The following RBFOX1 variants were observed in gnomAD, a reference collection of about 807,000 sequenced individuals.
The protein encoded by RBFOX1 is RNA binding fox-1 homolog 1.
In RBFOX1, 8 loss-of-function variants were observed where a neutral mutation model predicts 57.7. The ratio of observed to expected loss-of-function variants is 0.14; its 90% CI spans 0.08 to 0.25. RBFOX1 has a LOEUF of 0.25. RBFOX1 is among the 10% of genes least tolerant of loss of function. The pLI is 1.00. For synonymous variants in RBFOX1, 326 were observed against 222.4 expected (o/e 1.47, Z -4.15); for missense variants, 611 against 548.5 (o/e 1.11, Z -1.14).
At chr16:5,421,522 G>A (rs2067326194) in intron 1 of RBFOX1, among the ~76,000 whole-genome samples, 1 of 152,118 alleles carries the variant, frequency 6.6e-6, no homozygotes, top group East Asian at 1.9e-4. Context: ...AGTCTCAGGA[G>A]GATCTTGGCC....
chr16:7,515,260 GTTT>G (rs34629697), intron 4 of RBFOX1, among the ~76,000 whole-genome samples: 10 of 148,190 alleles, frequency 6.7e-5, no homozygotes, highest in Non-Finnish European at 1.0e-4. Context: ...AACAGCAGAA[GTTT>G]TTTTTTTTTT....
chr16:5,743,281 C>A (rs568941842), intron 3 of RBFOX1, among the ~76,000 whole-genome samples: 1 of 152,300 alleles, frequency 6.6e-6, no homozygotes, highest in Admixed American at 6.5e-5. Context: ...TGGGCACCTT[C>A]TGTTTTCTGA....
At position 7,712,037 on chromosome 16, in the gene RBFOX1, A is replaced by T. The variant is rs1478218253; in HGVS notation, c.*1292A>T. The T allele has an allele frequency of 6.9e-6, 1 of 145,906 alleles. No homozygotes were observed. Among genetic ancestry groups the T allele is most frequent in the African/African-American group, 2.8e-5 (1 of 35,184 alleles). 9.0% of individuals were successfully genotyped at this position (145,906 alleles called of 1,614,324 possible). Reference sequence around the variant, plus strand: ...TTGTCAGAAGGATGCAAAAAAAGAAAAAAGTACATCCACCCTCTTAATCCC... The same window carrying T: ...TTGTCAGAAGGATGCAAAAAAAGAATAAAGTACATCCACCCTCTTAATCCC... On this transcript the variant is annotated 3_prime_UTR_variant, in exon 16 of 16. Coordinates refer to ENST00000550418, the MANE Select transcript of RBFOX1 (RefSeq NM_018723.4).
chr16:7,257,893 T>G (rs959755216), intron 4 of RBFOX1, among the ~76,000 whole-genome samples: 11 of 152,134 alleles, frequency 7.2e-5, no homozygotes, highest in African/African-American at 2.7e-4. Context: ...AGGGAATGAT[T>G]TGGTTTCAAG....
At chr16:6,050,884 G>C (rs996622390) in intron 1 of RBFOX1, among the ~76,000 whole-genome samples, 2 of 151,370 alleles carry the variant, frequency 1.3e-5, no homozygotes, top group East Asian at 3.9e-4. Flanking sequence ...TATTATCTTT[G>C]TTGATGCTCA....
intron 3 of RBFOX1, among the ~76,000 whole-genome samples, chr16:5,789,619 A>C (rs1450700037): frequency 6.6e-6 from 1 of 152,198 alleles, no homozygotes; most frequent in East Asian, 1.9e-4. Flanking sequence ...TCTTTTGGTT[A>C]AGCTTTTTCC....
intron 4 of RBFOX1, among the ~76,000 whole-genome samples, chr16:7,166,525 C>A (rs985052420): frequency 6.6e-5 from 10 of 152,048 alleles, no homozygotes; most frequent in Admixed American, 2.6e-4. Flanking sequence ...ACAGGATGGC[C>A]TCAAAGAAGC....
chr16:7,662,999 A>G (rs1388822182), intron 12 of RBFOX1, among the ~76,000 whole-genome samples: 8 of 152,238 alleles, frequency 5.3e-5, no homozygotes, highest in African/African-American at 1.9e-4. Context: ...GGATGAGGAT[A>G]CTAGAATAAA....
At chr16:6,189,065 A>G (rs1156507229) in intron 1 of RBFOX1, among the ~76,000 whole-genome samples, 1 of 152,194 alleles carries the variant, frequency 6.6e-6, no homozygotes, top group Non-Finnish European at 1.5e-5. Flanking sequence ...TCCATGTTTT[A>G]TGTGGTTTCA....
chr16:7,505,792 T>C (rs2073075966), intron 4 of RBFOX1, among the ~76,000 whole-genome samples: 1 of 152,208 alleles, frequency 6.6e-6, no homozygotes, highest in African/African-American at 2.4e-5. Context: ...ATGAGACAAG[T>C]AGCTTTGCTG....
At chr16:5,705,232 A>T (rs2051198659) in intron 3 of RBFOX1, among the ~76,000 whole-genome samples, 1 of 152,112 alleles carries the variant, frequency 6.6e-6, no homozygotes, top group African/African-American at 2.4e-5. Context: ...AACCAGCACC[A>T]TCCATGTGCT....
chr16:6,869,178 G>C (rs550232788), intron 3 of RBFOX1, among the ~76,000 whole-genome samples: 14 of 152,240 alleles, frequency 9.2e-5, no homozygotes, highest in Admixed American at 2.6e-4. Flanking sequence ...CTGCTGCTTT[G>C]CACGCTCATC....
chr16:7,230,234 A>T (rs1431455919), intron 4 of RBFOX1, among the ~76,000 whole-genome samples: 2 of 152,092 alleles, frequency 1.3e-5, no homozygotes, highest in Non-Finnish European at 2.9e-5. Context: ...CATTTGGGAA[A>T]TGATGACTAG....
At chr16:6,794,188 G>T (rs147448934) in intron 3 of RBFOX1, among the ~76,000 whole-genome samples, 2 of 151,996 alleles carry the variant, frequency 1.3e-5, no homozygotes, top group Non-Finnish European at 2.9e-5. Context: ...TGGAGAAGTT[G>T]ATGCGGGATT....
chr16:6,028,506 TG>T (rs1421678551), intron 1 of RBFOX1, among the ~76,000 whole-genome samples: 2 of 81,612 alleles, frequency 2.5e-5, no homozygotes, highest in East Asian at 5.8e-4. Flanking sequence ...ACCCTGTCTC[TG>T]TTAAAAAAAA....
chr16:7,220,751 A>G (rs952939788), intron 4 of RBFOX1, among the ~76,000 whole-genome samples: 1 of 150,920 alleles, frequency 6.6e-6, no homozygotes, highest in Admixed American at 6.6e-5. Flanking sequence ...TGGAATTTCC[A>G]GGCCCACATC....
chr16:7,550,702 C>T (rs2086107502), intron 5 of RBFOX1, among the ~76,000 whole-genome samples: 1 of 152,126 alleles, frequency 6.6e-6, no homozygotes, highest in Non-Finnish European at 1.5e-5. Context: ...TGTCTCTGGA[C>T]TCACTGGAGG....
chr16:6,834,878 G>C (rs112768286), intron 3 of RBFOX1, among the ~76,000 whole-genome samples: 10,079 of 147,282 alleles, frequency 0.068, 507 homozygotes, highest in Non-Finnish European at 0.11. Context: ...AACTTCAAAG[G>C]CCTGACTTCT....
intron 3 of RBFOX1, among the ~76,000 whole-genome samples, chr16:5,654,814 G>A (rs1233023857): frequency 6.7e-6 from 1 of 150,308 alleles, no homozygotes; most frequent in African/African-American, 2.5e-5. Context: ...TCTGTCCCTC[G>A]CTCTCTCCCC....
Sources: allele counts gnomAD v4.1 joint callset (sites outside exome capture counted in the v4.1 genomes callset), GRCh38; gene constraint gnomAD v4.1.1; transcripts MANE v1.5; gene names NCBI Gene and HGNC (gene_info 2026-07-23, HGNC 2026-07-21).